The following FAM107A variants were observed in gnomAD, a reference collection of about 807,000 sequenced individuals.
FAM107A encodes the protein actin-associated protein FAM107A.
A neutral mutation model predicts 13.7 loss-of-function variants in FAM107A; 19 were observed. The observed-to-expected ratio is 1.38, with a 90% CI of 0.97 to 2.03. The LOEUF is 2.03. Ranked by LOEUF, FAM107A falls within the 30% of genes most tolerant of loss-of-function variation. The pLI is 0.00. For missense variants in FAM107A, 203 were observed against 184.4 expected, an observed-to-expected ratio of 1.10 and a Z score of -0.58; for synonymous variants, 82 against 74.5, an observed-to-expected ratio of 1.10 and a Z score of -0.52.
chr3:58,626,332 A>G (rs927417829), intron 1 of FAM107A, among the ~76,000 whole-genome samples: 1 of 152,190 alleles, frequency 6.6e-6, no homozygotes, highest in African/African-American at 2.4e-5. Flanking sequence ...TTCCAGAAAC[A>G]GTTCTCAGGC....
intron 1 of FAM107A, among the ~76,000 whole-genome samples, chr3:58,611,860 A>G (rs2065857871): frequency 6.6e-6 from 1 of 152,250 alleles, no homozygotes; most frequent in African/African-American, 2.4e-5. Flanking sequence ...GTAATTACTA[A>G]CTAAATGGTA....
intron 1 of FAM107A, among the ~76,000 whole-genome samples, chr3:58,619,649 C>A (rs1179327698): frequency 6.6e-6 from 1 of 152,218 alleles, no homozygotes; most frequent in African/African-American, 2.4e-5. Context: ...ATCATAGTAC[C>A]CAGCACCTGC....
At chr3:58,618,426 C>T (rs2065923234) in intron 1 of FAM107A, among the ~76,000 whole-genome samples, 1 of 152,230 alleles carries the variant, frequency 6.6e-6, no homozygotes, top group South Asian at 2.1e-4. Context: ...TCCTGCCTCA[C>T]TTTACCCTAA....
rs369549973 is a variant in FAM107A at position 58,624,116 on chromosome 3, C to T, written c.-70+3300G>A. ...CCCACTGCTGCCGCAGGACCTGTGG[C>T]CTTGCTGTGTAATGCAAGGGCTTAA... On this transcript the variant is annotated intron_variant, in intron 1 of 3. Coordinates refer to the FAM107A transcript ENST00000465970. Among the ~76,000 whole-genome samples, 15 of 152,302 alleles carry T rather than the reference C, an allele frequency of 9.8e-5. No individual in the cohort carries two copies. The South Asian group carries it at 2.7e-3, about 27-fold the overall frequency.
At chr3:58,611,687 T>A (rs1169116743) in intron 1 of FAM107A, among the ~76,000 whole-genome samples, 1 of 152,108 alleles carries the variant, frequency 6.6e-6, no homozygotes, top group South Asian at 2.1e-4. Flanking sequence ...GCTGCCTGGG[T>A]CTGATTCCTG....
chr3:58,615,898 CAAAAAAAAAA>C (rs11311985), intron 1 of FAM107A, among the ~76,000 whole-genome samples: 19 of 74,726 alleles, frequency 2.5e-4, no homozygotes, highest in Admixed American at 1.6e-3. Flanking sequence ...GACCCTGTCT[CAAAAAAAAAA>C]AAAAAAAAAA....
chr3:58,614,171 G>A (rs2065880190), intron 1 of FAM107A, among the ~76,000 whole-genome samples: 2 of 152,248 alleles, frequency 1.3e-5, no homozygotes, highest in Admixed American at 1.3e-4. Context: ...GAGAGGAGGT[G>A]TCAGTGGGAT....
chr3:58,618,260 T>C (rs2065922091), intron 1 of FAM107A, among the ~76,000 whole-genome samples: 1 of 152,208 alleles, frequency 6.6e-6, no homozygotes, highest in African/African-American at 2.4e-5. Flanking sequence ...CACAGTGTTA[T>C]CTTGTCTGAG....
intron 2 of FAM107A, among the ~76,000 whole-genome samples, chr3:58,568,913 G>T (rs1226434912): frequency 6.6e-6 from 1 of 152,024 alleles, no homozygotes; most frequent in African/African-American, 2.4e-5. Flanking sequence ...ATGCCCCTCT[G>T]GCTCGTCTCT....
chr3:58,566,770 G>C lies in FAM107A; in HGVS notation c.328-75C>G, dbSNP rs2063626207. On this transcript the variant is annotated intron_variant, in intron 3 of 3. Coordinates refer to ENST00000360997, the MANE Select transcript of FAM107A (RefSeq NM_001076778.3). ...CTACTCTGAAAACCTGTGGAGTTTG[G>C]ACCAAGGGCCCACTCAGTGGGGAAA... The C allele has an allele frequency of 3.3e-6, 4 of 1,224,476 alleles. No individual in the cohort carries two copies. In the East Asian group the frequency reaches 7.0e-5, roughly 21 times the overall value. 75.9% of individuals were successfully genotyped at this position (1,224,476 alleles called of 1,614,324 possible).
chr3:58,588,360 A>C (rs1365676543), upstream of FAM107A, among the ~76,000 whole-genome samples: 2 of 152,184 alleles, frequency 1.3e-5, no homozygotes, highest in Non-Finnish European at 2.9e-5. Context: ...CTGTTGGCCA[A>C]ACTCTCTTTG....
upstream of FAM107A, among the ~76,000 whole-genome samples, chr3:58,581,653 A>G (rs2065544254): frequency 2.0e-5 from 3 of 152,266 alleles, no homozygotes; most frequent in South Asian, 6.2e-4. Flanking sequence ...GTTGGGGGAG[A>G]AGAAGCTGTG....
chr3:58,582,721 T>C (rs145900139), upstream of FAM107A, among the ~76,000 whole-genome samples: 248 of 152,354 alleles, frequency 1.6e-3, no homozygotes, highest in African/African-American at 5.7e-3. Context: ...GGAGAGCCCT[T>C]CACACCGTGG....
chr3:58,587,251 T>C (rs2065617753), upstream of FAM107A: 2 of 483,766 alleles, frequency 4.1e-6, no homozygotes, highest in Admixed American at 5.0e-5. Context: ...CCAGCCTCGG[T>C]CTCCCACCTA....
intron 1 of FAM107A, among the ~76,000 whole-genome samples, chr3:58,596,100 A>T (rs1307582530): frequency 2.6e-5 from 4 of 152,206 alleles, no homozygotes; most frequent in African/African-American, 7.2e-5. Flanking sequence ...TGAGGCAAAG[A>T]CATCTGCATT....
At chr3:58,591,017 G>A (rs1388673633), upstream of FAM107A, among the ~76,000 whole-genome samples, 3 of 152,218 alleles carry the variant, frequency 2.0e-5, no homozygotes, top group Non-Finnish European at 2.9e-5. The surrounding 1 kb of genome is among the most constrained non-coding windows in gnomAD (Gnocchi z 4.3). Context: ...CTCCCTGTGA[G>A]CCTCTCAAAT....
chr3:58,582,352 GAGA>G (rs1354026037), upstream of FAM107A, among the ~76,000 whole-genome samples: 2 of 152,354 alleles, frequency 1.3e-5, no homozygotes, highest in East Asian at 1.9e-4. Context: ...TCTGGCTGCG[GAGA>G]AGAAGTATAG....
rs1360955797 is a variant in FAM107A, at chr3:58,604,569, G to A, written c.-69-15300C>T. Among the ~76,000 whole-genome samples, 1 of 152,110 alleles carries A rather than the reference G, an allele frequency of 6.6e-6. No homozygotes were observed. The highest frequency in any genetic ancestry group is 1.5e-5 in the Non-Finnish European group (1 of 68,012). ...ACGTGACAGCCTCACCCACTCCCTG[G>A]GCCCCATAAGATCAATCAGCGGGAC... On this transcript the variant is annotated intron_variant, in intron 1 of 3. Coordinates refer to the FAM107A transcript ENST00000465970. The surrounding 1 kb of genome is among the most constrained non-coding windows in gnomAD (Gnocchi z 4.1).
At chr3:58,614,644 A>G (rs1328116327) in intron 1 of FAM107A, among the ~76,000 whole-genome samples, 1 of 151,574 alleles carries the variant, frequency 6.6e-6, no homozygotes, top group Admixed American at 6.6e-5. Context: ...ATCTGGGATT[A>G]CAGGTGCCTG....
Sources: allele counts gnomAD v4.1 joint callset (sites outside exome capture counted in the v4.1 genomes callset), GRCh38; gene constraint gnomAD v4.1.1; non-coding constraint Gnocchi (gnomAD v3.1); transcripts MANE v1.5; gene names NCBI Gene and HGNC (gene_info 2026-07-23, HGNC 2026-07-21).